The following FHIT variants were observed in gnomAD, a reference collection of about 807,000 sequenced individuals.
FHIT encodes bis(5'-adenosyl)-triphosphatase.
Under a neutral mutation model 17.9 loss-of-function variants are expected in FHIT, and 19 were observed. The observed-to-expected ratio is 1.06, with a 90% CI of 0.74 to 1.56. The LOEUF (loss-of-function observed/expected upper bound fraction) is 1.56. FHIT is among the 40% of genes most tolerant of loss of function. FHIT has a pLI of 0.00. For missense variants in FHIT, 248 were observed against 189.2 expected (o/e 1.31, Z -1.82); for synonymous variants, 81 against 69.7 (o/e 1.16, Z -0.81).
At chr3:60,828,232 A>T (rs1287007163) in intron 3 of FHIT, among the ~76,000 whole-genome samples, 1 of 152,156 alleles carries the variant, frequency 6.6e-6, no homozygotes, top group East Asian at 1.9e-4. Context: ...TTTTAACATT[A>T]TCATCACATT....
chr3:60,748,408 G>A (rs1400180122), intron 4 of FHIT, among the ~76,000 whole-genome samples: 1 of 152,098 alleles, frequency 6.6e-6, no homozygotes, highest in African/African-American at 2.4e-5. Context: ...GTATCCATGG[G>A]GAATTGGTTC....
chr3:60,488,948 C>T (rs894194500), intron 5 of FHIT, among the ~76,000 whole-genome samples: 1 of 151,910 alleles, frequency 6.6e-6, no homozygotes, highest in African/African-American at 2.4e-5. Flanking sequence ...TTTTGGAATC[C>T]CTTTTCAGTT....
rs190309505 is a variant in FHIT at position 60,892,050 on chromosome 3, T to C, written c.-110-70039A>G. Among the ~76,000 whole-genome samples, 442 of 152,260 alleles carry C rather than the reference T, an allele frequency of 2.9e-3. 2 individuals are homozygous for C. Among genetic ancestry groups the C allele is most frequent in the African/African-American group, 9.9e-3 (413 of 41,546 alleles). On this transcript the variant is annotated intron_variant, in intron 3 of 9. Coordinates refer to ENST00000492590, the MANE Select transcript of FHIT (RefSeq NM_002012.4). Reference sequence around the variant, plus strand: ...TGGCTCCCCAATGTCAGTCCATGGATTGGGATCTGTTGCCAGAGTATGTTC... The same window carrying C: ...TGGCTCCCCAATGTCAGTCCATGGACTGGGATCTGTTGCCAGAGTATGTTC...
chr3:60,759,923 C>A (rs1335740019), intron 4 of FHIT, among the ~76,000 whole-genome samples: 1 of 150,490 alleles, frequency 6.6e-6, no homozygotes, highest in Non-Finnish European at 1.5e-5. Flanking sequence ...TTTCTTTTCC[C>A]TTCCTTCCTT....
intron 3 of FHIT, among the ~76,000 whole-genome samples, chr3:61,010,477 C>G (rs1389689278): frequency 6.6e-6 from 1 of 152,150 alleles, no homozygotes; most frequent in East Asian, 1.9e-4. Flanking sequence ...TTACAGATGA[C>G]AAAACTAATG....
Position 60,861,059 on chromosome 3 carries a change from CAT to C in FHIT, c.-110-39050_-110-39049del, listed in dbSNP as rs1335822935. On this transcript the variant is annotated intron_variant, in intron 3 of 9. Transcript: ENST00000492590. ...TATATATGACGTACGTCATATATAT[CAT>C]GTGTATATATGATGTACGTCATATA... Among the ~76,000 whole-genome samples, 5 of 95,670 alleles carry C rather than the reference CAT, an allele frequency of 5.2e-5. 1 individual carries two copies. The highest frequency in any genetic ancestry group is 1.1e-4 in the Non-Finnish European group (5 of 45,726). The allele number at this position is 95,670 out of a possible 152,430, so 62.8% of individuals were successfully genotyped here. A position where few individuals can be genotyped will look rare whatever the true frequency, so the allele number is the denominator to read the frequency against.
intron 5 of FHIT, among the ~76,000 whole-genome samples, chr3:60,371,438 A>C (rs1408547940): frequency 6.6e-6 from 1 of 151,870 alleles, no homozygotes; most frequent in Non-Finnish European, 1.5e-5. Flanking sequence ...ACTCACGGCA[A>C]ACTTGAACTC....
In FHIT at chr3:60,552,026, T is replaced by TC. The variant is rs147071177; in HGVS notation, c.-17-15048dup. 1.3e-3 allele frequency among the ~76,000 whole-genome samples: 191 copies of TC among 152,234 alleles called. 2 individuals are homozygous for TC. In the East Asian group the frequency reaches 0.03, roughly 24 times the overall value. Reference sequence around the variant, plus strand: ...GCCCACAGCCCCTGGCAACTACTATTCTACTTTCTGTCTCTGTGGATTTGC... The same window carrying TC: ...GCCCACAGCCCCTGGCAACTACTATTCCTACTTTCTGTCTCTGTGGATTTGC... On this transcript the variant is annotated intron_variant, in intron 4 of 9. Transcript: ENST00000492590.
chr3:60,708,762 T>C (rs2041439513), intron 4 of FHIT, among the ~76,000 whole-genome samples: 1 of 152,222 alleles, frequency 6.6e-6, no homozygotes, highest in Admixed American at 6.5e-5. Context: ...GGGAACAGTA[T>C]TCCCCAAAGC....
chr3:60,218,757 T>C (rs1195650804), intron 5 of FHIT, among the ~76,000 whole-genome samples: 1 of 152,060 alleles, frequency 6.6e-6, no homozygotes, highest in Non-Finnish European at 1.5e-5. Flanking sequence ...TTACTATTAT[T>C]ATTAGCCCAA....
chr3:61,000,805 A>G (rs1277192015), intron 3 of FHIT, among the ~76,000 whole-genome samples: 3 of 152,196 alleles, frequency 2.0e-5, no homozygotes, highest in African/African-American at 7.2e-5. Context: ...TCAAATGACC[A>G]GTAAAGAAGT....
intron 3 of FHIT, among the ~76,000 whole-genome samples, chr3:61,041,535 A>T (rs1436448657): frequency 5.9e-5 from 9 of 152,154 alleles, no homozygotes; most frequent in Non-Finnish European, 1.2e-4. Flanking sequence ...GATATTAATC[A>T]GCCCTTCTTT....
At chr3:60,100,008 G>A (rs775656167) in intron 5 of FHIT, among the ~76,000 whole-genome samples, 1 of 152,178 alleles carries the variant, frequency 6.6e-6, no homozygotes, top group Non-Finnish European at 1.5e-5. Flanking sequence ...AGGAACAACA[G>A]TCACAGTTTT....
intron 5 of FHIT, among the ~76,000 whole-genome samples, chr3:60,253,338 C>A (rs1447556061): frequency 5.3e-5 from 8 of 152,150 alleles, no homozygotes; most frequent in Admixed American, 6.5e-5. Flanking sequence ...AGTATTCTGG[C>A]ATGTTTCTAG....
chr3:60,646,970 A>C (rs1553686908), intron 4 of FHIT, among the ~76,000 whole-genome samples: 1 of 152,226 alleles, frequency 6.6e-6, no homozygotes, highest in African/African-American at 2.4e-5. Context: ...TATTTTTAAA[A>C]TAGCTCAGAA....
At chr3:59,984,023 G>A (rs1461456142) in intron 7 of FHIT, among the ~76,000 whole-genome samples, 2 of 152,080 alleles carry the variant, frequency 1.3e-5, no homozygotes, top group Non-Finnish European at 2.9e-5. Context: ...GAAGATCAAT[G>A]TTACTTAACT....
intron 5 of FHIT, among the ~76,000 whole-genome samples, chr3:60,129,712 T>C (rs528424649): frequency 2.0e-5 from 3 of 152,318 alleles, no homozygotes; most frequent in African/African-American, 7.2e-5. Context: ...AATATAAACA[T>C]CTGTTTTGTT....
chr3:60,652,888 C>T (rs1316559528), intron 4 of FHIT, among the ~76,000 whole-genome samples: 2 of 151,034 alleles, frequency 1.3e-5, no homozygotes, highest in African/African-American at 4.9e-5. Flanking sequence ...CCAGCCTGGG[C>T]AACAGAGTGA....
intron 5 of FHIT, among the ~76,000 whole-genome samples, chr3:60,450,762 A>G (rs1372348991): frequency 6.6e-6 from 1 of 152,180 alleles, no homozygotes; most frequent in Non-Finnish European, 1.5e-5. Flanking sequence ...GCAAGGAGCC[A>G]TAAACCAAAA....
Sources: gnomAD v4.1 joint callset for allele counts (sites outside exome capture counted in the v4.1 genomes callset) on GRCh38, gnomAD v4.1.1 for gene constraint, MANE v1.5 for transcripts, NCBI Gene and HGNC (gene_info 2026-07-23, HGNC 2026-07-21) for gene names.